Variants in RAB11FIP3 observed in about 807,000 individuals in gnomAD.
RAB11FIP3 encodes rab11 family-interacting protein 3.
In RAB11FIP3, 17 loss-of-function variants were observed where a neutral mutation model predicts 77.8. The ratio of observed to expected loss-of-function variants is 0.22; its 90% CI spans 0.15 to 0.33. The LOEUF is 0.33. Ranked by LOEUF, RAB11FIP3 falls within the 10% of genes least tolerant of loss-of-function variation. The pLI is 1.00. For missense variants in RAB11FIP3, 1,005 were observed against 1,011.2 expected (o/e 0.99, Z 0.08); for synonymous variants, 437 against 448.2 (o/e 0.98, Z 0.31).
intron 6 of RAB11FIP3, among the ~76,000 whole-genome samples, chr16:501,345 C>T (rs1055772642): frequency 4.7e-5 from 6 of 126,976 alleles, no homozygotes; most frequent in South Asian, 2.6e-4. Context: ...CAAGGAAACT[C>T]GGAGAGGGTC....
intron 1 of RAB11FIP3, among the ~76,000 whole-genome samples, chr16:460,286 TTTA>T (rs1338755925): frequency 1.3e-5 from 2 of 152,220 alleles, no homozygotes; most frequent in Admixed American, 6.5e-5. Flanking sequence ...TTTTTTTGCT[TTTA>T]TTAATGTCTT....
At position 521,459 on chromosome 16, in the gene RAB11FIP3, C is replaced by T. The variant is rs371410470; in HGVS notation, c.*620C>T. ...CTGGTGCGTTCCCCAGCTCTCCCTA[C>T]GCTGCTCGGGCCATTGCCCAGCCAG... On this transcript the variant is annotated 3_prime_UTR_variant, in exon 14 of 14. Transcript: ENST00000262305. The T allele has an allele frequency of 1.9e-5, 3 of 155,202 alleles. No homozygotes were observed. Among genetic ancestry groups the T allele is most frequent in the Admixed American group, 6.3e-5 (1 of 15,804 alleles). The allele number at this position is 155,202 out of a possible 1,614,324, so 9.6% of individuals were successfully genotyped here.
intron 1 of RAB11FIP3, among the ~76,000 whole-genome samples, chr16:435,204 C>CA (rs371438435): frequency 0.014 from 1,187 of 82,928 alleles, 5 homozygotes; most frequent in Middle Eastern, 0.022. Context: ...GACTCCGTCT[C>CA]AAAAAAAAAA....
intron 2 of RAB11FIP3, among the ~76,000 whole-genome samples, chr16:467,292 C>T (rs2141668635): frequency 6.6e-6 from 1 of 152,298 alleles, no homozygotes; most frequent in East Asian, 1.9e-4. Flanking sequence ...ATTCTGTCTC[C>T]AGCTCCAGGC....
chr16:484,947 T>C (rs2056123263), intron 4 of RAB11FIP3, among the ~76,000 whole-genome samples: 1 of 152,128 alleles, frequency 6.6e-6, no homozygotes, highest in Non-Finnish European at 1.5e-5. Context: ...CTCAGCAGCA[T>C]GTGGCCATGT....
At position 521,719 on chromosome 16, in the gene RAB11FIP3, GCGGCCTGGCC is replaced by G. The variant is rs2032698210; in HGVS notation, c.*887_*896del. ...TCCCAGGTGCTGCTTCTCCACAGGT[GCGGCCTGGCC>G]CGGCCTCCTAAAGGCCACACCCTCC... On this transcript the variant is annotated 3_prime_UTR_variant, in exon 14 of 14. Transcript: ENST00000262305. 1 of 152,382 alleles carries G rather than the reference GCGGCCTGGCC, an allele frequency of 6.6e-6. No individual in the cohort carries two copies. The highest frequency in any genetic ancestry group is 2.4e-5 in the African/African-American group (1 of 41,462). 9.4% of individuals were successfully genotyped at this position (152,382 alleles called of 1,614,324 possible).
At chr16:464,536 C>G (rs917421909) in intron 2 of RAB11FIP3, among the ~76,000 whole-genome samples, 2 of 152,156 alleles carry the variant, frequency 1.3e-5, no homozygotes, top group Non-Finnish European at 2.9e-5. Context: ...TGAGTTTGTT[C>G]TCTAACTGAT....
intron 7 of RAB11FIP3, 61 bp downstream of exon 7, chr16:503,158 G>A (rs777337325): frequency 5.0e-6 from 7 of 1,397,702 alleles, no homozygotes; most frequent in African/African-American, 1.4e-5. Context: ...CCACGCCTAA[G>A]GGCCGCTGCA....
intron 1 of RAB11FIP3, among the ~76,000 whole-genome samples, chr16:449,428 G>A (rs915608729): frequency 3.9e-5 from 6 of 152,100 alleles, no homozygotes; most frequent in Non-Finnish European, 7.4e-5. Flanking sequence ...GGTCCTCCCA[G>A]GTATGGCAGC....
chr16:487,791 C>T (rs555511171), intron 4 of RAB11FIP3, among the ~76,000 whole-genome samples: 1 of 152,330 alleles, frequency 6.6e-6, no homozygotes, highest in Non-Finnish European at 1.5e-5. Context: ...GTGGAGGAGT[C>T]ACTCCCTTCA....
chr16:452,057 G>C (rs529465662), intron 1 of RAB11FIP3, among the ~76,000 whole-genome samples: 2 of 152,216 alleles, frequency 1.3e-5, no homozygotes, highest in Non-Finnish European at 2.9e-5. Context: ...GCTGATGAGG[G>C]AGAATCATTT....
intron 7 of RAB11FIP3, among the ~76,000 whole-genome samples, chr16:503,771 T>C (rs900690557): frequency 6.6e-6 from 1 of 151,916 alleles, no homozygotes; most frequent in Non-Finnish European, 1.5e-5. Context: ...TCCCAGCTAT[T>C]TGGGAGGCTG....
At chr16:512,709 A>AT (rs1241715838) in intron 9 of RAB11FIP3, among the ~76,000 whole-genome samples, 1 of 150,890 alleles carries the variant, frequency 6.6e-6, no homozygotes, top group Non-Finnish European at 1.5e-5. Context: ...GCACCCAGCT[A>AT]TTTTTTGTAT....
Position 520,995 on chromosome 16 carries a change from C to G in RAB11FIP3, c.*156C>G, listed in dbSNP as rs550768799. On this transcript the variant is annotated 3_prime_UTR_variant, in exon 14 of 14. Transcript: ENST00000262305. Reference sequence around the variant, plus strand: ...CAGCTGAGCTGGGGCCGCCAAAGACCGGGGCTGCCAAAGGGGCAGAGGGTG... The same window carrying G: ...CAGCTGAGCTGGGGCCGCCAAAGACGGGGGCTGCCAAAGGGGCAGAGGGTG... 1 of 659,912 alleles carries G rather than the reference C, an allele frequency of 1.5e-6. No individual in the cohort carries two copies. Among genetic ancestry groups the G allele is most frequent in the Non-Finnish European group, 2.7e-6 (1 of 371,038 alleles). The allele number at this position is 659,912 out of a possible 1,614,324, so 40.9% of individuals were successfully genotyped here. A position where few individuals can be genotyped will look rare whatever the true frequency, so the allele number is the denominator to read the frequency against.
At chr16:493,655 G>A (rs923451885) in intron 5 of RAB11FIP3, among the ~76,000 whole-genome samples, 11 of 152,102 alleles carry the variant, frequency 7.2e-5, no homozygotes, top group South Asian at 2.1e-4. Flanking sequence ...GACCCAGGCC[G>A]GAGTGCAGTG....
chr16:491,471 T>C (rs1034673560), intron 5 of RAB11FIP3, among the ~76,000 whole-genome samples: 2 of 152,188 alleles, frequency 1.3e-5, no homozygotes, highest in Admixed American at 1.3e-4. Context: ...CCCAGGCCAG[T>C]GCTTGTCTTG....
At chr16:492,428 C>CCCGAGGCCGCCCAGGGCCCTTCCCG (rs2030524146) in intron 5 of RAB11FIP3, among the ~76,000 whole-genome samples, 1 of 124,728 alleles carries the variant, frequency 8.0e-6, no homozygotes, top group Non-Finnish European at 1.7e-5. Context: ...GGGCCCTCCC[C>CCCGAGGCCGCCCAGGGCCCTTCCCG]GGGAGACCCG....
At chr16:498,235 G>A (rs1279402467) in intron 6 of RAB11FIP3, among the ~76,000 whole-genome samples, 2 of 152,130 alleles carry the variant, frequency 1.3e-5, no homozygotes, top group African/African-American at 2.4e-5. Context: ...GTACCGTGGT[G>A]CAATCACAGC....
intron 1 of RAB11FIP3, among the ~76,000 whole-genome samples, chr16:457,553 A>G (rs2055524207): frequency 6.8e-6 from 1 of 146,810 alleles, no homozygotes; most frequent in South Asian, 2.1e-4. Context: ...AGTATTTTGG[A>G]CTTGGAGAAT....
Sources: gnomAD v4.1 joint callset for allele counts (sites outside exome capture counted in the v4.1 genomes callset) on GRCh38, gnomAD v4.1.1 for gene constraint, MANE v1.5 for transcripts, NCBI Gene and HGNC (gene_info 2026-07-23, HGNC 2026-07-21) for gene names.